Variants in SUGCT observed in about 807,000 individuals in gnomAD.
The protein encoded by SUGCT is succinyl-CoA:glutarate-CoA transferase, also known as succinyl-CoA:glutarate CoA-transferase.
SUGCT carries 41 observed loss-of-function variants against 55.0 expected under a neutral mutation model. The observed-to-expected ratio is 0.74, with a 90% confidence interval of 0.58 to 0.97. SUGCT has a LOEUF of 0.97. Ranked by LOEUF, SUGCT falls within the 50% of genes least tolerant of loss-of-function variation. The probability of loss-of-function intolerance (pLI) is 0.00; values close to 1 mark genes in which losing one functional copy is unlikely to be tolerated. For missense variants in SUGCT, 568 were observed against 547.8 expected (o/e 1.04, Z -0.37); for synonymous variants, 187 against 200.4 (o/e 0.93, Z 0.56).
chr7:40,452,049 C>T (rs1789220319), intron 10 of SUGCT, among the ~76,000 whole-genome samples: 3 of 152,278 alleles, frequency 2.0e-5, no homozygotes, highest in African/African-American at 7.2e-5. Flanking sequence ...TGACTTATGC[C>T]TAGTCTCTTC....
At chr7:40,731,184 CT>C (rs1288809895) in intron 12 of SUGCT, among the ~76,000 whole-genome samples, 2 of 152,160 alleles carry the variant, frequency 1.3e-5, no homozygotes, top group African/African-American at 4.8e-5. Context: ...TTGACAGTTT[CT>C]CAAGGGTGTT....
intron 13 of SUGCT, among the ~76,000 whole-genome samples, chr7:40,857,319 A>G (rs1794231597): frequency 6.6e-6 from 1 of 152,114 alleles, no homozygotes; most frequent in South Asian, 2.1e-4. Flanking sequence ...TATTATTATT[A>G]TTGCACAGGG....
rs143149639 is a variant in SUGCT, at chr7:40,737,349, A to G, written c.1090-12085A>G. On this transcript the variant is annotated intron_variant, in intron 12 of 13. Coordinates refer to ENST00000335693, the MANE Select transcript of SUGCT (RefSeq NM_001193313.2). ...ATATCTGATTCAATTCCAAGATTTA[A>G]GAAGTTTTACTGTGCCTAACAGATG... Among the ~76,000 whole-genome samples, 10 of 152,338 alleles carry G rather than the reference A, an allele frequency of 6.6e-5. No individual in the cohort carries two copies. The East Asian group carries it at 1.2e-3, about 18-fold the overall frequency.
chr7:41,002,659 G>T, the SUGCT span, among the ~76,000 whole-genome samples: 4 of 152,256 alleles, frequency 2.6e-5, no homozygotes, highest in Admixed American at 6.5e-5. Context: ...GCTGCACTGG[G>T]GCAAAAGTCT....
intron 1 of SUGCT, among the ~76,000 whole-genome samples, chr7:40,163,069 A>C (rs949538926): frequency 6.6e-6 from 1 of 152,160 alleles, no homozygotes; most frequent in Non-Finnish European, 1.5e-5. Flanking sequence ...GGAGGATTTC[A>C]TGGGGTGTTT....
chr7:40,856,527 A>G (rs896111765), intron 13 of SUGCT, among the ~76,000 whole-genome samples: 3 of 152,214 alleles, frequency 2.0e-5, no homozygotes, highest in African/African-American at 7.2e-5. Flanking sequence ...CTGAACACCT[A>G]GTCCTAACAG....
chr7:40,561,390 C>A (rs772970594), intron 12 of SUGCT, among the ~76,000 whole-genome samples: 1 of 152,194 alleles, frequency 6.6e-6, no homozygotes, highest in Non-Finnish European at 1.5e-5. Context: ...AATTGGAGAA[C>A]TGGGTTGCAT....
intron 13 of SUGCT, among the ~76,000 whole-genome samples, chr7:40,791,370 A>C (rs1412202954): frequency 2.6e-5 from 4 of 152,236 alleles, no homozygotes; most frequent in Non-Finnish European, 2.9e-5. Flanking sequence ...ATTTAAAATC[A>C]AAGAATGTTT....
At chr7:40,629,570 C>T (rs191491535) in intron 12 of SUGCT, among the ~76,000 whole-genome samples, 9 of 151,996 alleles carry the variant, frequency 5.9e-5, no homozygotes, top group African/African-American at 2.2e-4. Context: ...TTTTGAAGGC[C>T]ATTATAGAGG....
chr7:40,698,253 G>A (rs1785023800), intron 12 of SUGCT, among the ~76,000 whole-genome samples: 1 of 152,242 alleles, frequency 6.6e-6, no homozygotes, highest in Non-Finnish European at 1.5e-5. Flanking sequence ...GTCTCAGGTG[G>A]CCTCAATCCA....
chr7:40,980,173 G>A, the SUGCT span, among the ~76,000 whole-genome samples: 1 of 152,138 alleles, frequency 6.6e-6, no homozygotes, highest in Non-Finnish European at 1.5e-5. Flanking sequence ...GAGAGACAGA[G>A]ACAGAGAAGA....
the SUGCT span, among the ~76,000 whole-genome samples, chr7:40,982,676 A>T: frequency 6.6e-6 from 1 of 151,756 alleles, no homozygotes; most frequent in African/African-American, 2.4e-5. Context: ...TATTTTTTAG[A>T]TAGAATCTGT....
intron 12 of SUGCT, among the ~76,000 whole-genome samples, chr7:40,591,269 C>T (rs564339251): frequency 2.0e-4 from 30 of 152,270 alleles, no homozygotes; most frequent in Admixed American, 8.5e-4. Context: ...GGGCTCAAGA[C>T]CTCAGTAGAG....
intron 13 of SUGCT, among the ~76,000 whole-genome samples, chr7:40,802,032 A>G (rs1362941267): frequency 6.6e-6 from 1 of 150,864 alleles, no homozygotes. Flanking sequence ...ATTTCCTATG[A>G]TGTGAATTTA....
chr7:40,821,179 A>G (rs1791974218), intron 13 of SUGCT, among the ~76,000 whole-genome samples: 1 of 152,188 alleles, frequency 6.6e-6, no homozygotes, highest in Middle Eastern at 3.2e-3. Context: ...TATTTTATTG[A>G]GGATTTTTGC....
At chr7:40,168,490 T>G (rs1285177945) in intron 1 of SUGCT, among the ~76,000 whole-genome samples, 2 of 152,226 alleles carry the variant, frequency 1.3e-5, no homozygotes, top group African/African-American at 2.4e-5. Context: ...CTGGAAGAGA[T>G]AAACTTAACA....
chr7:40,188,579 A>T lies in SUGCT; in HGVS notation c.311A>T (p.Lys104Ile), dbSNP rs1309480249. 1 of 1,594,414 alleles carries T rather than the reference A, an allele frequency of 6.3e-7. No individual in the cohort carries two copies. The highest frequency in any genetic ancestry group is 1.7e-4 in the Middle Eastern group (1 of 5,986). Residue 104 changes from lysine to isoleucine, a missense_variant and splice_region_variant, in exon 4 of 14, where the codon AAA becomes ATA. Coordinates refer to ENST00000335693, the MANE Select transcript of SUGCT (RefSeq NM_001193313.2). The stretch of plus-strand genomic sequence containing the variant: ...TATCTCAGTGTTAACCGAAATAAAA[A>T]AGTAAGAATATCATCCCTTTTTTGC... ...TYYLSVNRNKKSIAVNIKDPK... is the reference protein window; with the variant it reads ...TYYLSVNRNKISIAVNIKDPK...
At chr7:40,951,712 C>T in the SUGCT span, among the ~76,000 whole-genome samples, 2 of 151,962 alleles carry the variant, frequency 1.3e-5, no homozygotes, top group Non-Finnish European at 2.9e-5. Flanking sequence ...TGTTATGTAC[C>T]CAGTAGTCAT....
chr7:40,463,192 T>C (rs893027393), intron 11 of SUGCT, among the ~76,000 whole-genome samples: 10 of 152,160 alleles, frequency 6.6e-5, no homozygotes, highest in African/African-American at 2.4e-4. Context: ...TTTTAGAAAA[T>C]CTTTAAAACG....
Sources: gnomAD v4.1 joint callset for allele counts (sites outside exome capture counted in the v4.1 genomes callset) on GRCh38, gnomAD v4.1.1 for gene constraint, MANE v1.5 for transcripts, NCBI Gene and HGNC (gene_info 2026-07-23, HGNC 2026-07-21) for gene names.